Variants in RNF213 observed in about 807,000 individuals in gnomAD.
The protein encoded by RNF213 is E3 ubiquitin-protein ligase RNF213.
RNF213 carries 341 observed loss-of-function variants against 514.4 expected under a neutral mutation model. That is an observed-to-expected ratio of 0.66 (90% confidence interval 0.61 to 0.73). The LOEUF (loss-of-function observed/expected upper bound fraction) is 0.73. Among genes scored for constraint, RNF213 ranks in the 30% least tolerant of loss-of-function variants. The pLI, the probability that RNF213 is intolerant of heterozygous loss-of-function variation, is 0.00. For missense variants in RNF213, 5,767 were observed against 6,615.6 expected, an observed-to-expected ratio of 0.87 and a Z score of 4.45; for synonymous variants, 2,655 against 2,658.2, an observed-to-expected ratio of 1.00 and a Z score of 0.04.
rs753131583 is a variant in RNF213, at chr17:80,347,039, C to T, written c.8704C>T (p.Arg2902Cys). The T allele has an allele frequency of 3.1e-6, 5 of 1,613,906 alleles. No individual in the cohort carries two copies. The highest frequency in any genetic ancestry group is 3.3e-5 in the Admixed American group (2 of 59,976). Reference sequence around the variant, plus strand: ...GATGAACCGGGGCATTTTTGTGTCACGTGGCAGCCCCAACGAGACAGAGCT... The same window carrying T: ...GATGAACCGGGGCATTTTTGTGTCATGTGGCAGCCCCAACGAGACAGAGCT... ...AKMNRGIFVS[R>C]GSPNETELIE... Residue 2902 changes from arginine (R) to cysteine (C), a missense_variant, in exon 29 of 68, where the codon CGT becomes TGT. Coordinates refer to ENST00000582970, the MANE Select transcript of RNF213 (RefSeq NM_001256071.3). This position sits in a 1 kb window ranked among gnomAD's most constrained non-coding sequence, Gnocchi z 7.2.
intron 38 of RNF213, 71 bp downstream of exon 38, chr17:80,360,277 C>T: frequency 1.3e-6 from 2 of 1,519,060 alleles, no homozygotes; most frequent in Non-Finnish European, 1.8e-6. Flanking sequence ...CAGTGAAAAG[C>T]AGATGGGTGG....
intron 3 of RNF213, among the ~76,000 whole-genome samples, chr17:80,274,180 G>A (rs904913932): frequency 6.6e-6 from 1 of 152,100 alleles, no homozygotes; most frequent in East Asian, 1.9e-4. Flanking sequence ...TGGGTGTGGG[G>A]TGGGTGCTCT....
intron 11 of RNF213, 133 bp from the exon 12 acceptor site, chr17:80,306,119 C>T (rs1330905479): frequency 8.1e-6 from 7 of 862,248 alleles, no homozygotes; most frequent in African/African-American, 5.0e-5. Flanking sequence ...TGAGCCACCA[C>T]GCCTGCCCTC....
chr17:80,273,705 C>T (rs2043914597), intron 3 of RNF213, among the ~76,000 whole-genome samples: 1 of 150,878 alleles, frequency 6.6e-6, no homozygotes, highest in Admixed American at 6.6e-5. Flanking sequence ...CTGCAGCCTC[C>T]ACCTCCTGGT....
At chr17:80,354,811 A>G in intron 36 of RNF213, 1 of 573,340 alleles carries the variant, frequency 1.7e-6, no homozygotes, top group African/African-American at 1.9e-5. Context: ...TTTTCATACT[A>G]AAAACTTAAA....
At position 80,342,418 on chromosome 17, in the gene RNF213, C is replaced by T. The variant is rs867686084; in HGVS notation, c.5990-714C>T. Among the ~76,000 whole-genome samples, 11 of 152,012 alleles carry T rather than the reference C, an allele frequency of 7.2e-5. No homozygotes were observed. The East Asian group carries it at 7.7e-4, about 11-fold the overall frequency. The stretch of plus-strand genomic sequence containing the variant: ...GCTGGGAAATGTGAAGGTTCAAGAG[C>T]GTATTCTTGAATCTGATGTTATGTT... On this transcript the variant is annotated intron_variant, in intron 26 of 67. Transcript: ENST00000582970.
chr17:80,307,543 GT>G (rs2045411562), intron 13 of RNF213, among the ~76,000 whole-genome samples: 3 of 51,486 alleles, frequency 5.8e-5, no homozygotes, highest in African/African-American at 2.3e-4. Context: ...TTGTGTGTTG[GT>G]TTGTTTGTTT....
chr17:80,354,590 A>G lies in RNF213; in HGVS notation c.10862+14A>G, dbSNP rs1354871401. The G allele has an allele frequency of 6.2e-7, 1 of 1,614,072 alleles. No homozygotes were observed. Among genetic ancestry groups the G allele is most frequent in the African/African-American group, 1.3e-5 (1 of 75,060 alleles). ...GGGCACATTCAGGTACTGTGACTAA[A>G]GGAAGCAAGGAGTGGCTCCAATCTG... is the stretch of plus-strand genomic sequence containing the variant. On this transcript the variant is annotated intron_variant, in intron 36 of 67. Coordinates refer to ENST00000582970, the MANE Select transcript of RNF213 (RefSeq NM_001256071.3).
intron 63 of RNF213, 192 bp from the exon 64 acceptor site, chr17:80,388,420 G>A (rs1339903167): frequency 9.8e-6 from 6 of 614,966 alleles, no homozygotes; most frequent in Middle Eastern, 8.8e-4. Context: ...TGAGGACTCC[G>A]CTGGATTCCC....
rs573656976 is a variant in RNF213 at position 80,374,472 on chromosome 17, C to T, written c.12957C>T (p.Asp4319=). The T allele has an allele frequency of 1.2e-6, 2 of 1,614,202 alleles. No homozygotes were observed. Among genetic ancestry groups the T allele is most frequent in the East Asian group, 2.2e-5 (1 of 44,886 alleles). ...DVVKQQGLRQ[D]HPGQMDRYLV... ...CTGTATTCCAGGGGCTGCGGCAGGA[C>T]CACCCAGGCCAGATGGATAGGTACC... The change falls in exon 50 of 68, where the codon GAC becomes GAT. Residue 4319 remains aspartate (D), a synonymous_variant. Transcript: ENST00000582970.
In RNF213 at chr17:80,389,302, A is replaced by C; in HGVS notation, c.15130A>C (p.Met5044Leu). ...GAGCACAGCTGGTGGGGATCCAAAC[A>C]TGCAGCTGAATGTGTATACTCAAGA... ...FLSTAGGDPN[M>L]QLNVYTQDIL... Residue 5044 changes from methionine (M) to leucine (L), a missense_variant, in exon 65 of 68, where the codon ATG becomes CTG. By Grantham distance (15) the Met-to-Leu change is conservative. Around this residue, in one of 13 missense-constraint regions of RNF213, gnomAD observed 1,245 missense variants for 1,339.0 expected, o/e 0.93. Transcript: ENST00000582970. 2.5e-6 allele frequency: 4 copies of C among 1,614,186 alleles called. No individual in the cohort carries two copies. Among genetic ancestry groups the C allele is most frequent in the Non-Finnish European group, 3.4e-6 (4 of 1,180,030 alleles).
intron 36 of RNF213, among the ~76,000 whole-genome samples, chr17:80,357,109 A>G (rs1344582431): frequency 6.6e-6 from 1 of 151,694 alleles, no homozygotes; most frequent in Non-Finnish European, 1.5e-5. Flanking sequence ...TAGAGACGGG[A>G]TTTCACCATG....
At chr17:80,331,893 G>A (rs576466600) in intron 20 of RNF213, 113 bp from the exon 21 acceptor site, 469 of 1,244,862 alleles carry the variant, frequency 3.8e-4, no homozygotes, top group Middle Eastern at 7.4e-4. Context: ...CCTAGCAGCT[G>A]TGTGCTCTTG....
rs1300248416 is a variant in RNF213, at chr17:80,288,227, C to T, written c.674C>T (p.Thr225Ile). 1.2e-6 allele frequency: 2 copies of T among 1,613,298 alleles called. No individual in the cohort carries two copies. The highest frequency in any genetic ancestry group is 3.3e-5 in the Admixed American group (2 of 60,030). ...TCCCAGGAGGGGACCGGTCCCCCCA[C>T]CTCTGCTGGTGAAGGCCATTCTAGG... is the stretch of plus-strand genomic sequence containing the variant. ...GLSQEGTGPP[T>I]SAGEGHSRTE... is the part of the protein sequence containing the mutation. The change falls in exon 4 of 68, where the codon ACC becomes ATC. Residue 225 changes from threonine to isoleucine, a missense_variant. Coordinates refer to ENST00000582970, the MANE Select transcript of RNF213 (RefSeq NM_001256071.3). This position sits in a 1 kb window ranked among gnomAD's most constrained non-coding sequence, Gnocchi z 4.9.
At chr17:80,299,197 T>C (rs2045080372) in intron 11 of RNF213, among the ~76,000 whole-genome samples, 1 of 125,526 alleles carries the variant, frequency 8.0e-6, no homozygotes, top group East Asian at 2.0e-4. Flanking sequence ...ATTTTTTCCA[T>C]CAGCAAATTC....
chr17:80,376,389 A>G lies in RNF213; in HGVS notation c.13274A>G (p.Asn4425Ser). ...ISRFATSLVD[N>S]SVPLLRAGPS... ...CGTTTTGCAACATCGCTCGTGGACAATTCTGTGCCATTGTTGAGGGCGGGG... is the reference window on the plus strand; with the variant it reads ...CGTTTTGCAACATCGCTCGTGGACAGTTCTGTGCCATTGTTGAGGGCGGGG... Residue 4425 changes from asparagine (N) to serine (S), a missense_variant, in exon 52 of 68, where the codon AAT (asparagine) becomes AGT (serine). Physicochemically the swap from Asn to Ser is conservative, Grantham distance 46. Transcript: ENST00000582970. 1 of 1,614,180 alleles carries G rather than the reference A, an allele frequency of 6.2e-7. No homozygotes were observed.
chr17:80,349,144 T>C (rs1161991435), intron 29 of RNF213, among the ~76,000 whole-genome samples: 2 of 152,154 alleles, frequency 1.3e-5, no homozygotes, highest in African/African-American at 4.8e-5. Context: ...GGATTCCTCC[T>C]TAGATGAGTG....
intron 59 of RNF213, 180 bp from the exon 60 acceptor site, chr17:80,384,859 T>C: frequency 1.0e-5 from 7 of 701,826 alleles, no homozygotes; most frequent in Non-Finnish European, 1.7e-5. Flanking sequence ...CACACTGCAC[T>C]GTCTGTAGAC....
Position 80,375,888 on chromosome 17 carries a change from G to A in RNF213, c.13185+18G>A, listed in dbSNP as rs560310063. ...CGCCAGAGGTGAGTAACCGCCTGCA[G>A]GGCTGTGTTCAAAGTCTCAGTATTT... On this transcript the variant is annotated intron_variant, in intron 51 of 67. Transcript: ENST00000582970. 29 of 1,506,020 alleles carry A rather than the reference G, an allele frequency of 1.9e-5. No homozygotes were observed. In the South Asian group the frequency reaches 3.3e-4, roughly 17 times the overall value. The allele number at this position is 1,506,020 out of a possible 1,614,324, so 93.3% of individuals were successfully genotyped here.
Sources: allele counts gnomAD v4.1 joint callset (sites outside exome capture counted in the v4.1 genomes callset), GRCh38; gene constraint gnomAD v4.1.1; regional missense constraint gnomAD v4.1.1; non-coding constraint Gnocchi (gnomAD v3.1); transcripts MANE v1.5; gene names NCBI Gene and HGNC (gene_info 2026-07-23, HGNC 2026-07-21).